Variants in CDH18 observed in about 807,000 individuals in gnomAD.
The protein encoded by CDH18 is cadherin-18.
Under a neutral mutation model 67.9 loss-of-function variants are expected in CDH18, and 31 were observed. The observed-to-expected ratio is 0.46, with a 90% confidence interval of 0.34 to 0.62. The LOEUF (loss-of-function observed/expected upper bound fraction) is 0.62, where lower values mean the gene tolerates loss of function less well. CDH18 is among the 20% of genes least tolerant of loss of function. The pLI is 0.01. For synonymous variants in CDH18, 362 were observed against 347.2 expected (o/e 1.04, Z -0.48); for missense variants, 890 against 975.5 (o/e 0.91, Z 1.17).
intron 2 of CDH18, among the ~76,000 whole-genome samples, chr5:20,227,483 GTA>G (rs1741724711): frequency 6.6e-6 from 1 of 151,966 alleles, no homozygotes; most frequent in African/African-American, 2.4e-5. Flanking sequence ...AAATTCAACA[GTA>G]TATGTCTTAA....
chr5:20,442,698 G>T (rs902303379), intron 1 of CDH18, among the ~76,000 whole-genome samples: 1 of 151,860 alleles, frequency 6.6e-6, no homozygotes, highest in African/African-American at 2.4e-5. Flanking sequence ...GTTTTAATTG[G>T]TCTAGCAGTT....
intron 4 of CDH18, among the ~76,000 whole-genome samples, chr5:19,734,163 C>CA (rs999094831): frequency 7.2e-5 from 11 of 151,784 alleles, no homozygotes; most frequent in African/African-American, 1.2e-4. Flanking sequence ...GCTTTATTTC[C>CA]AAAAAAATGA....
intron 2 of CDH18, among the ~76,000 whole-genome samples, chr5:20,225,124 A>G (rs983496937): frequency 6.6e-6 from 1 of 152,110 alleles, no homozygotes; most frequent in Admixed American, 6.6e-5. Context: ...AGAGGTCACC[A>G]CATCAGTGAC....
intron 2 of CDH18, among the ~76,000 whole-genome samples, chr5:20,019,166 T>C (rs2221663): frequency 1 from 151,449 of 152,208 alleles, 75,355 homozygotes; most frequent in Middle Eastern, 1. Context: ...TTAAGCACCA[T>C]GAAATCACTA....
chr5:19,492,491 T>C (rs958305142), intron 11 of CDH18, among the ~76,000 whole-genome samples: 1 of 152,134 alleles, frequency 6.6e-6, no homozygotes, highest in Non-Finnish European at 1.5e-5. Context: ...AATTATACAA[T>C]GAAATTATTT....
chr5:19,715,168 G>T (rs373936752), intron 5 of CDH18, among the ~76,000 whole-genome samples: 19 of 152,046 alleles, frequency 1.2e-4, no homozygotes, highest in Admixed American at 5.2e-4. Flanking sequence ...ATCATTCCTA[G>T]ACTTAATATT....
rs566422860 is a variant in CDH18, at chr5:20,557,291, G to A, written c.-580+18171C>T. On this transcript the variant is annotated intron_variant, in intron 1 of 14. Coordinates refer to the CDH18 transcript ENST00000507958. ...CAACCAATAATTGCGTGGAGAGATCGGCGAAAAAAATGTAAGTAAAGAAAA... is the reference window on the plus strand; with the variant it reads ...CAACCAATAATTGCGTGGAGAGATCAGCGAAAAAAATGTAAGTAAAGAAAA... 1.7e-3 allele frequency among the ~76,000 whole-genome samples: 251 copies of A among 151,672 alleles called. 1 individual carries two copies. In the Middle Eastern group the frequency reaches 0.02, roughly 12 times the overall value.
chr5:20,471,610 G>T (rs1752078292), intron 1 of CDH18, among the ~76,000 whole-genome samples: 1 of 151,698 alleles, frequency 6.6e-6, no homozygotes, highest in Non-Finnish European at 1.5e-5. Flanking sequence ...GACCAGCCTG[G>T]CCAATATGGT....
intron 2 of CDH18, among the ~76,000 whole-genome samples, chr5:19,927,374 C>G (rs1793207037): frequency 6.6e-6 from 1 of 152,062 alleles, no homozygotes; most frequent in Non-Finnish European, 1.5e-5. Context: ...TTGACTCTTG[C>G]CCTCACTTAA....
At chr5:19,713,078 G>A (rs1437260799) in intron 5 of CDH18, among the ~76,000 whole-genome samples, 2 of 134,352 alleles carry the variant, frequency 1.5e-5, no homozygotes, top group Admixed American at 8.3e-5. Context: ...TATTTGCCAC[G>A]CTATTGGCTA....
intron 2 of CDH18, among the ~76,000 whole-genome samples, chr5:19,915,222 C>T (rs577992253): frequency 1.3e-5 from 2 of 152,126 alleles, no homozygotes; most frequent in Non-Finnish European, 2.9e-5. Flanking sequence ...TCTTCCACTA[C>T]TCCTTCCCAG....
chr5:20,229,706 T>A (rs1237185566), intron 2 of CDH18, among the ~76,000 whole-genome samples: 4 of 151,960 alleles, frequency 2.6e-5, no homozygotes, highest in African/African-American at 7.2e-5. Context: ...TTCCATATAT[T>A]TTTTTTAATT....
At chr5:20,418,747 T>C (rs1426101656) in intron 1 of CDH18, among the ~76,000 whole-genome samples, 1 of 152,112 alleles carries the variant, frequency 6.6e-6, no homozygotes, top group Non-Finnish European at 1.5e-5. Flanking sequence ...AATATGCATA[T>C]GAATATAGAT....
chr5:20,526,220 C>A (rs10941835), intron 1 of CDH18, among the ~76,000 whole-genome samples: 63,859 of 151,924 alleles, frequency 0.42, 14,676 homozygotes, highest in East Asian at 0.56. Flanking sequence ...CCCTGTAGGA[C>A]TTTAGCAACC....
intron 2 of CDH18, among the ~76,000 whole-genome samples, chr5:19,919,295 A>G (rs1792178351): frequency 6.6e-6 from 1 of 152,200 alleles, no homozygotes; most frequent in East Asian, 1.9e-4. Flanking sequence ...TATAATACAT[A>G]GGTCAACATC....
intron 1 of CDH18, among the ~76,000 whole-genome samples, chr5:20,277,036 C>T (rs1745861501): frequency 6.6e-6 from 1 of 152,120 alleles, no homozygotes; most frequent in South Asian, 2.1e-4. Flanking sequence ...AGGTTTCCAA[C>T]GTCAGGCCCT....
chr5:20,142,652 A>C (rs1750334107), intron 2 of CDH18, among the ~76,000 whole-genome samples: 1 of 152,192 alleles, frequency 6.6e-6, no homozygotes, highest in South Asian at 2.1e-4. Flanking sequence ...CTCTAATCTA[A>C]TATCATTAGT....
At chr5:20,510,276 AC>A (rs1305871485) in intron 1 of CDH18, among the ~76,000 whole-genome samples, 2 of 152,098 alleles carry the variant, frequency 1.3e-5, no homozygotes, top group Non-Finnish European at 2.9e-5. Flanking sequence ...TGAATTTCTT[AC>A]ATGGCTTGAA....
chr5:19,975,379 A>G (rs1363919599), intron 2 of CDH18, among the ~76,000 whole-genome samples: 2 of 152,092 alleles, frequency 1.3e-5, no homozygotes, highest in Admixed American at 1.3e-4. Flanking sequence ...ATATGTTGGG[A>G]AAAAATTGAG....
Sources: allele counts gnomAD v4.1 joint callset (sites outside exome capture counted in the v4.1 genomes callset), GRCh38; gene constraint gnomAD v4.1.1; transcripts MANE v1.5; gene names NCBI Gene and HGNC (gene_info 2026-07-23, HGNC 2026-07-21).